HNF4G: variants seen among roughly 807,000 people sequenced by gnomAD.
The protein encoded by HNF4G is hepatocyte nuclear factor 4-gamma.
Under a neutral mutation model 50.9 loss-of-function variants are expected in HNF4G, and 21 were observed. That is an observed-to-expected ratio of 0.41 (90% CI 0.29 to 0.59). The LOEUF (loss-of-function observed/expected upper bound fraction) is 0.59, where lower values mean the gene tolerates loss of function less well. Among genes scored for constraint, HNF4G ranks in the 20% least tolerant of loss-of-function variants. The probability of loss-of-function intolerance (pLI) is 0.26; values close to 1 mark genes in which losing one functional copy is unlikely to be tolerated. For missense variants in HNF4G, 527 were observed against 559.4 expected (o/e 0.94, Z 0.58); for synonymous variants, 198 against 185.6 (o/e 1.07, Z -0.54).
chr8:75,537,172 T>A (rs1806487417), upstream of HNF4G, among the ~76,000 whole-genome samples: 1 of 152,220 alleles, frequency 6.6e-6, no homozygotes, highest in Admixed American at 6.5e-5. Flanking sequence ...TCTTGTTATT[T>A]CATTTCACAA....
intron 2 of HNF4G, among the ~76,000 whole-genome samples, chr8:75,509,778 G>C (rs1805700258): frequency 6.6e-6 from 1 of 152,154 alleles, no homozygotes; most frequent in South Asian, 2.1e-4. Flanking sequence ...TTATTCACAT[G>C]TTTGTGGTGA....
At chr8:75,521,235 GAGA>G (rs1326162180) in intron 2 of HNF4G, among the ~76,000 whole-genome samples, 4 of 152,128 alleles carry the variant, frequency 2.6e-5, no homozygotes, top group Non-Finnish European at 4.4e-5. Flanking sequence ...CAGATAGAAT[GAGA>G]AGAAGACAAA....
intron 2 of HNF4G, among the ~76,000 whole-genome samples, chr8:75,514,121 T>C (rs1805828749): frequency 6.6e-6 from 1 of 151,908 alleles, no homozygotes; most frequent in South Asian, 2.1e-4. Context: ...TTCTAGTCTA[T>C]ATTAATAGCT....
intron 2 of HNF4G, among the ~76,000 whole-genome samples, chr8:75,496,873 A>C (rs1231099671): frequency 6.6e-6 from 1 of 151,936 alleles, no homozygotes; most frequent in Non-Finnish European, 1.5e-5. Flanking sequence ...TGACTGTCTA[A>C]AGTTTTGTGA....
At chr8:75,519,763 G>A (rs1176221212) in intron 2 of HNF4G, among the ~76,000 whole-genome samples, 2 of 151,828 alleles carry the variant, frequency 1.3e-5, no homozygotes, top group Admixed American at 1.3e-4. Flanking sequence ...TTTTTTTCTT[G>A]TTTAAACTTT....
At chr8:75,479,759 A>G (rs1045442444) in intron 1 of HNF4G, among the ~76,000 whole-genome samples, 5 of 152,140 alleles carry the variant, frequency 3.3e-5, no homozygotes, top group Admixed American at 2.6e-4. Flanking sequence ...CAAGCTGAAA[A>G]ATATGAAAAA....
At chr8:75,466,095 A>G (rs1289246100) in intron 1 of HNF4G, among the ~76,000 whole-genome samples, 1 of 152,178 alleles carries the variant, frequency 6.6e-6, no homozygotes, top group Admixed American at 6.5e-5. Context: ...AGTTTAAGGA[A>G]ATATCAAGTA....
chr8:75,499,667 A>C (rs948089976), intron 2 of HNF4G, among the ~76,000 whole-genome samples: 1 of 152,070 alleles, frequency 6.6e-6, no homozygotes, highest in Non-Finnish European at 1.5e-5. Flanking sequence ...AAAGCTGTAC[A>C]GTACTAACAT....
chr8:75,472,440 C>T (rs1298811824), intron 1 of HNF4G, among the ~76,000 whole-genome samples: 1 of 152,136 alleles, frequency 6.6e-6, no homozygotes, highest in Non-Finnish European at 1.5e-5. Flanking sequence ...CGAACCCTCT[C>T]AACTTGCAGA....
Position 75,558,869 on chromosome 8 carries a change from G to A in HNF4G, c.955G>A (p.Asp319Asn). 5.0e-6 allele frequency: 8 copies of A among 1,614,048 alleles called. No homozygotes were observed. In the South Asian group the frequency reaches 8.8e-5, roughly 18 times the overall value. The change falls in exon 8 of 10, where the codon GAC becomes AAC. Residue 319 changes from aspartate to asparagine, a missense_variant. Transcript: ENST00000396423. ...GTTCCAAGTGCAGATCGGTTTGGAGGACTACATCAATGATCGGCAGTATGA... is the reference window on the plus strand; with the variant it reads ...GTTCCAAGTGCAGATCGGTTTGGAGAACTACATCAATGATCGGCAGTATGA... ...MRFQVQIGLE[D>N]YINDRQYDSR...
intron 1 of HNF4G, among the ~76,000 whole-genome samples, chr8:75,473,586 A>T (rs1812171887): frequency 6.6e-6 from 1 of 152,234 alleles, no homozygotes; most frequent in Non-Finnish European, 1.5e-5. Flanking sequence ...CAGGGGAAGA[A>T]GAATCCATTT....
intron 2 of HNF4G, among the ~76,000 whole-genome samples, chr8:75,546,739 C>A (rs1806791656): frequency 6.6e-6 from 1 of 152,082 alleles, no homozygotes; most frequent in African/African-American, 2.4e-5. Context: ...TTCCACTGTG[C>A]AGTCATGCCA....
chr8:75,460,848 T>C (rs1229958197), intron 1 of HNF4G, among the ~76,000 whole-genome samples: 2 of 152,198 alleles, frequency 1.3e-5, no homozygotes, highest in Non-Finnish European at 2.9e-5. Flanking sequence ...TTATGAAGAA[T>C]TGCTGGCTAG....
chr8:75,551,437 T>C lies in HNF4G; in HGVS notation c.432T>C (p.Asp144=), dbSNP rs775199716. 6 of 1,613,598 alleles carry C rather than the reference T, an allele frequency of 3.7e-6. No homozygotes were observed. The highest frequency in any genetic ancestry group is 5.1e-6 in the Non-Finnish European group (6 of 1,179,640). The change falls in exon 4 of 10, where the codon GAT becomes GAC. Residue 144 remains aspartate, a synonymous_variant. Coordinates refer to ENST00000396423, the MANE Select transcript of HNF4G (RefSeq NM_004133.5). ...TAAGCACCAGAAGAAGCACATTTGA[T>C]GGCAGCAACATCCCCTCCATTAACA... ...DRISTRRSTF[D]GSNIPSINTL...
At chr8:75,480,324 G>A (rs1430963369) in intron 1 of HNF4G, among the ~76,000 whole-genome samples, 2 of 152,200 alleles carry the variant, frequency 1.3e-5, no homozygotes, top group African/African-American at 4.8e-5. Context: ...CACATATTGA[G>A]TGCCCAAAGT....
At chr8:75,467,591 C>T (rs1018179590) in intron 1 of HNF4G, among the ~76,000 whole-genome samples, 13 of 150,358 alleles carry the variant, frequency 8.6e-5, no homozygotes, top group South Asian at 6.3e-4. Context: ...ACCTGGGAGG[C>T]GGAGGTTGCA....
intron 1 of HNF4G, among the ~76,000 whole-genome samples, chr8:75,451,697 T>A (rs188180117): frequency 1.3e-5 from 2 of 152,236 alleles, no homozygotes; most frequent in Admixed American, 1.3e-4. Flanking sequence ...GTCCCATTGG[T>A]CTATGTGCTT....
chr8:75,448,888 A>G (rs1438123586), intron 1 of HNF4G, among the ~76,000 whole-genome samples: 1 of 152,212 alleles, frequency 6.6e-6, no homozygotes, highest in Non-Finnish European at 1.5e-5. Flanking sequence ...TTTCTATATT[A>G]CAAATGTAGA....
At chr8:75,407,653 G>A (rs1199023419), upstream of HNF4G, among the ~76,000 whole-genome samples, 2 of 152,202 alleles carry the variant, frequency 1.3e-5, no homozygotes, top group Admixed American at 6.5e-5. Flanking sequence ...GACTGTGAGA[G>A]TCAGGCCGCT....
Sources: gnomAD v4.1 joint callset for allele counts (sites outside exome capture counted in the v4.1 genomes callset) on GRCh38, gnomAD v4.1.1 for gene constraint, MANE v1.5 for transcripts, NCBI Gene and HGNC (gene_info 2026-07-23, HGNC 2026-07-21) for gene names.